The following ABCA7 variants were observed in gnomAD, a reference collection of about 807,000 sequenced individuals.
ABCA7 encodes phospholipid-transporting ATPase ABCA7.
ABCA7 carries 261 observed loss-of-function variants against 227.6 expected under a neutral mutation model. That is an observed-to-expected ratio of 1.15 (90% CI 1.04 to 1.27). The LOEUF (loss-of-function observed/expected upper bound fraction) is 1.27, where lower values mean the gene tolerates loss of function less well. ABCA7 is among the 50% of genes most tolerant of loss of function. The probability of loss-of-function intolerance (pLI) is 0.00; values close to 1 mark genes in which losing one functional copy is unlikely to be tolerated. For synonymous variants in ABCA7, 1,488 were observed against 1,279.7 expected, an observed-to-expected ratio of 1.16 and a Z score of -3.47; for missense variants, 3,331 against 2,924.5, an observed-to-expected ratio of 1.14 and a Z score of -3.21.
intron 12 of ABCA7, 105 bp downstream of exon 12, chr19:1,045,336 A>G: frequency 8.7e-7 from 1 of 1,153,004 alleles, no homozygotes; most frequent in Non-Finnish European, 1.2e-6. Context: ...GATAGACAGG[A>G]TCTGGGCTGT....
At chr19:1,058,364 C>T in intron 37 of ABCA7, 95 bp downstream of exon 37, 2 of 1,524,846 alleles carry the variant, frequency 1.3e-6, no homozygotes, top group Non-Finnish European at 8.8e-7. Context: ...AAACAGCCCC[C>T]CAGGGAGACA....
intron 35 of ABCA7, among the ~76,000 whole-genome samples, chr19:1,057,682 A>G (rs2042371216): frequency 6.6e-6 from 1 of 151,942 alleles, no homozygotes; most frequent in Admixed American, 6.6e-5. Flanking sequence ...AGGCAGGAGG[A>G]CTGCTTGTGG....
In ABCA7 at chr19:1,048,947, G is replaced by C; in HGVS notation, c.2322G>C (p.Trp774Cys). 6.2e-7 allele frequency: 1 copy of C among 1,609,974 alleles called. No homozygotes were observed. Among genetic ancestry groups the C allele is most frequent in the East Asian group, 2.2e-5 (1 of 44,828 alleles). ...PWNFPFRRSY[W>C]CGPRPPKSPA... ...ATTTTCCTTTTCGGAGGAGCTACTG[G>C]TGCGGACCTCGGCCCCCCAAGAGTC... The change falls in exon 17 of 47, where the codon TGG becomes TGC. Residue 774 changes from tryptophan (W) to cysteine (C), a missense_variant. By Grantham distance (215) the Trp-to-Cys change is radical. Coordinates refer to ENST00000263094, the MANE Select transcript of ABCA7 (RefSeq NM_019112.4).
Position 1,047,323 on chromosome 19 carries a change from A to G in ABCA7, c.2012A>G (p.Tyr671Cys), listed in dbSNP as rs773366842. Residue 671 changes from tyrosine (Y) to cysteine (C), a missense_variant, in exon 15 of 47, where the codon TAC becomes TGC. By Grantham distance (194) the Tyr-to-Cys change is radical (BLOSUM62 -2). Transcript: ENST00000263094. ...GLAYFSLYLP[Y>C]VLCVAWRDRL... ...GCCTACTTCTCCCTCTACCTGCCCTACGTGCTGTGTGTGGCTTGGCGGGAC... is the reference window on the plus strand; with the variant it reads ...GCCTACTTCTCCCTCTACCTGCCCTGCGTGCTGTGTGTGGCTTGGCGGGAC... The G allele has an allele frequency of 2.5e-6, 4 of 1,601,188 alleles. No individual in the cohort carries two copies. In the Admixed American group the frequency reaches 5.1e-5, roughly 20 times the overall value.
Position 1,053,834 on chromosome 19 carries a change from A to G in ABCA7, c.3470A>G (p.Glu1157Gly). ...GAGTGTGCTGCGGACACAGATATGG[A>G]GGGTGCGGCCACAGCTCCCTGACCC... is the stretch of plus-strand genomic sequence containing the variant. ...VEECAADTDM[E>G]DGSCGQHLCT... The change falls in exon 25 of 47, where the codon GAG becomes GGG. Residue 1157 changes from glutamate (E) to glycine (G), a missense_variant and splice_region_variant. Physicochemically the swap from Glu to Gly is moderately conservative, Grantham distance 98. Transcript: ENST00000263094. The G allele has an allele frequency of 2.5e-6, 4 of 1,610,856 alleles. No homozygotes were observed. Among genetic ancestry groups the G allele is most frequent in the Non-Finnish European group, 3.4e-6 (4 of 1,177,904 alleles).
intron 41 of ABCA7, 91 bp downstream of exon 41, chr19:1,061,979 G>T: frequency 6.9e-7 from 1 of 1,447,240 alleles, no homozygotes; most frequent in South Asian, 1.3e-5. Flanking sequence ...GAATGGACTG[G>T]GCTCACTGCC....
At chr19:1,042,278 C>T in intron 5 of ABCA7, 37 bp from the exon 6 acceptor site, 1 of 1,573,186 alleles carries the variant, frequency 6.4e-7, no homozygotes, top group Admixed American at 1.7e-5. Flanking sequence ...AGACCAACGT[C>T]CCCCCAGCCC....
chr19:1,056,462 T>C lies in ABCA7; in HGVS notation c.4549T>C (p.Leu1517=). The change falls in exon 33 of 47, where the codon TTG becomes CTG. Residue 1517 remains leucine, a synonymous_variant. Coordinates refer to ENST00000263094, the MANE Select transcript of ABCA7 (RefSeq NM_019112.4). The surrounding 1 kb of genome is among the most constrained non-coding windows in gnomAD (Gnocchi z 4.3). ...AHSITTLNHP[L]NLTKEQLSEG... is the part of the protein sequence containing the mutation. ...CAGCATCACCACACTCAACCACCCC[T>C]TGAACCTCACCAAGGAGCAGCTGTC... 6.2e-7 allele frequency: 1 copy of C among 1,613,558 alleles called. No individual in the cohort carries two copies. The highest frequency in any genetic ancestry group is 8.5e-7 in the Non-Finnish European group (1 of 1,179,968).
Position 1,056,806 on chromosome 19 carries a change from A to G in ABCA7, c.4587-101A>G. The stretch of plus-strand genomic sequence containing the variant: ...GCCCCTGCCATCTCTGCCACTGCTG[A>G]CTGCCCCATAGACCTTTGTCCCATC... On this transcript the variant is annotated intron_variant, in intron 33 of 46. Transcript: ENST00000263094. This position sits in a 1 kb window ranked among gnomAD's most constrained non-coding sequence, Gnocchi z 4.3. 7.5e-7 allele frequency: 1 copy of G among 1,330,354 alleles called. No homozygotes were observed. The highest frequency in any genetic ancestry group is 1.0e-6 in the Non-Finnish European group (1 of 956,230). The allele number at this position is 1,330,354 out of a possible 1,614,324, so 82.4% of individuals were successfully genotyped here.
intron 16 of ABCA7, among the ~76,000 whole-genome samples, chr19:1,048,496 CAAAAAAAAAAAAACA>C (rs1372473337): frequency 4.6e-5 from 1 of 21,628 alleles, no homozygotes; most frequent in Non-Finnish European, 8.0e-5. Context: ...AACTCAGTCT[CAAAAAAAAAAAAACA>C]AAAAAAAAAA....
At position 1,054,434 on chromosome 19, in the gene ABCA7, C is replaced by A; in HGVS notation, c.3726+93C>A. 5 of 1,550,062 alleles carry A rather than the reference C, an allele frequency of 3.2e-6. No individual in the cohort carries two copies. The highest frequency in any genetic ancestry group is 4.3e-6 in the Non-Finnish European group (5 of 1,149,838). On this transcript the variant is annotated intron_variant, in intron 27 of 46. Coordinates refer to ENST00000263094, the MANE Select transcript of ABCA7 (RefSeq NM_019112.4). The surrounding 1 kb of genome is among the most constrained non-coding windows in gnomAD (Gnocchi z 4.8). ...GTGGCCTAATCCAAACCCTTACCCC[C>A]GTGTGTATTCCCAACCCAAAGCACA...
Position 1,046,382 on chromosome 19 carries a change from C to G in ABCA7, c.1598C>G (p.Pro533Arg). 1 of 1,582,322 alleles carries G rather than the reference C, an allele frequency of 6.3e-7. No homozygotes were observed. The highest frequency in any genetic ancestry group is 8.6e-7 in the Non-Finnish European group (1 of 1,167,792). ...PRAGLYLQQM[P>R]YPCYVDDVFL... is the part of the protein sequence containing the mutation. ...GCCGGCCTCTACCTGCAGCAGATGC[C>G]CTATCCGTGCTATGTGGACGACGTG... is the stretch of plus-strand genomic sequence containing the variant. Residue 533 changes from proline (P) to arginine (R), a missense_variant, in exon 13 of 47, where the codon CCC becomes CGC. By Grantham distance (103) the Pro-to-Arg change is moderately radical. Coordinates refer to ENST00000263094, the MANE Select transcript of ABCA7 (RefSeq NM_019112.4).
chr19:1,059,434 T>G (rs993130778), intron 40 of ABCA7, among the ~76,000 whole-genome samples: 1 of 143,868 alleles, frequency 7.0e-6, no homozygotes, highest in Admixed American at 7.1e-5. Flanking sequence ...CCGGCTAATT[T>G]TTTTGTATTT....
chr19:1,064,506 T>A (rs1238098175), intron 45 of ABCA7, among the ~76,000 whole-genome samples: 1 of 149,864 alleles, frequency 6.7e-6, no homozygotes, highest in East Asian at 2.0e-4. Context: ...TGCGTTGGAG[T>A]AGGTGCAGCC....
chr19:1,053,430 G>T lies in ABCA7; in HGVS notation c.3322G>T (p.Ala1108Ser). Reference protein sequence around the residue: ...ELVLVLPYTGAHDGSFATLFR... With the variant: ...ELVLVLPYTGSHDGSFATLFR... The stretch of plus-strand genomic sequence containing the variant: ...GGTGCTGGTGCTGCCCTACACGGGT[G>T]CCCATGACGGCAGCTTCGCCACACT... Residue 1108 changes from alanine to serine, a missense_variant, in exon 24 of 47, where the codon GCC (alanine) becomes TCC (serine). By Grantham distance (99) the Ala-to-Ser change is moderately conservative. Coordinates refer to ENST00000263094, the MANE Select transcript of ABCA7 (RefSeq NM_019112.4). The T allele has an allele frequency of 6.2e-7, 1 of 1,605,710 alleles. No homozygotes were observed.
rs1043625671 is a variant in ABCA7 at position 1,064,998 on chromosome 19, G to A, written c.6112G>A (p.Val2038Met). Reference protein sequence around the residue: ...AARSQPAAAFVAAEFPGAELR... With the variant: ...AARSQPAAAFMAAEFPGAELR... ...AAGGTCCCAGCCGGCAGCGGCCTTCGTGGCGGCCGAGTTCCCTGGGGCGGA... is the reference window on the plus strand; with the variant it reads ...AAGGTCCCAGCCGGCAGCGGCCTTCATGGCGGCCGAGTTCCCTGGGGCGGA... The change falls in exon 46 of 47, where the codon GTG becomes ATG. Residue 2038 changes from valine (V) to methionine (M), a missense_variant. Coordinates refer to ENST00000263094, the MANE Select transcript of ABCA7 (RefSeq NM_019112.4). The A allele has an allele frequency of 3.2e-6, 5 of 1,555,758 alleles. No homozygotes were observed. Among genetic ancestry groups the A allele is most frequent in the African/African-American group, 2.7e-5 (2 of 73,184 alleles).
In ABCA7 at chr19:1,065,110, C is replaced by A. The variant is rs761236737; in HGVS notation, c.6224C>A (p.Ala2075Glu). 6.9e-6 allele frequency: 11 copies of A among 1,586,514 alleles called. No individual in the cohort carries two copies. In the South Asian group the frequency reaches 1.0e-4, roughly 15 times the overall value. Reference protein sequence around the residue: ...CALARVFGELAVHGAEHGVED... With the variant: ...CALARVFGELEVHGAEHGVED... ...CTGGCGCGCGTCTTTGGAGAGCTGGCGGTGCACGGCGCAGAGCACGGCGTG... is the reference window on the plus strand; with the variant it reads ...CTGGCGCGCGTCTTTGGAGAGCTGGAGGTGCACGGCGCAGAGCACGGCGTG... The change falls in exon 46 of 47, where the codon GCG becomes GAG. Residue 2075 changes from alanine (A) to glutamate (E), a missense_variant. Coordinates refer to ENST00000263094, the MANE Select transcript of ABCA7 (RefSeq NM_019112.4).
chr19:1,063,647 C>T lies in ABCA7; in HGVS notation c.5816C>T (p.Ala1939Val). ...GNKRKLATAL[A>V]LVGDPAVVFL... ...AAACGCAAGCTGGCGACGGCCCTGG[C>T]GCTGGTTGGGGACCCAGCCGTGGTG... Residue 1939 changes from alanine (A) to valine (V), a missense_variant, in exon 43 of 47, where the codon GCG becomes GTG. Transcript: ENST00000263094. The T allele has an allele frequency of 3.1e-6, 5 of 1,609,716 alleles. No individual in the cohort carries two copies. Among genetic ancestry groups the T allele is most frequent in the East Asian group, 2.2e-5 (1 of 44,798 alleles).
At chr19:1,057,587 GC>G (rs1256123100) in intron 35 of ABCA7, among the ~76,000 whole-genome samples, 158 bp downstream of exon 35, 1 of 152,060 alleles carries the variant, frequency 6.6e-6, no homozygotes, top group Non-Finnish European at 1.5e-5. Context: ...TGCCAAGGTG[GC>G]CTTAAAAGCT....
Sources: allele counts gnomAD v4.1 joint callset (sites outside exome capture counted in the v4.1 genomes callset), GRCh38; gene constraint gnomAD v4.1.1; non-coding constraint Gnocchi (gnomAD v3.1); transcripts MANE v1.5; gene names NCBI Gene and HGNC (gene_info 2026-07-23, HGNC 2026-07-21).